The following PTK2 variants were observed in gnomAD, a reference collection of about 807,000 sequenced individuals.
The protein encoded by PTK2 is protein tyrosine kinase 2.
In PTK2, 45 loss-of-function variants were observed where a neutral mutation model predicts 150.1. That is an observed-to-expected ratio of 0.30 (90% CI 0.24 to 0.38). The LOEUF (loss-of-function observed/expected upper bound fraction) is 0.38. Among genes scored for constraint, PTK2 ranks in the 10% least tolerant of loss-of-function variants. The probability of loss-of-function intolerance (pLI) is 1.00; values close to 1 mark genes in which losing one functional copy is unlikely to be tolerated. For synonymous variants in PTK2, 432 were observed against 449.2 expected, an observed-to-expected ratio of 0.96 and a Z score of 0.48; for missense variants, 919 against 1,307.3, an observed-to-expected ratio of 0.70 and a Z score of 4.58.
At chr8:140,986,734 T>C (rs2100193378) in intron 1 of PTK2, among the ~76,000 whole-genome samples, 1 of 152,048 alleles carries the variant, frequency 6.6e-6, no homozygotes, top group African/African-American at 2.4e-5. Flanking sequence ...GTCCAAACAA[T>C]CTCAAGCCTT....
intron 1 of PTK2, among the ~76,000 whole-genome samples, chr8:140,964,340 C>T (rs375440577): frequency 6.6e-6 from 1 of 152,082 alleles, no homozygotes; most frequent in East Asian, 1.9e-4. Flanking sequence ...AATCCTCCCA[C>T]CTGAGCCTCC....
chr8:140,792,799 T>C (rs961538067), intron 13 of PTK2, among the ~76,000 whole-genome samples: 63 of 152,364 alleles, frequency 4.1e-4, no homozygotes, highest in Middle Eastern at 3.4e-3. Context: ...TGAAAGCACT[T>C]ACCACACAGC....
At chr8:140,793,515 C>G in intron 12 of PTK2, 131 bp from the exon 13 acceptor site, 1 of 854,216 alleles carries the variant, frequency 1.2e-6, no homozygotes, top group Non-Finnish European at 1.8e-6. Context: ...AAAGTTGCTA[C>G]ACTGTCTACC....
chr8:140,738,964 T>G (rs1324058123), intron 21 of PTK2, 54 bp downstream of exon 24: 6 of 1,176,946 alleles, frequency 5.1e-6, no homozygotes, highest in African/African-American at 1.6e-5. Flanking sequence ...TTTTTTTTTG[T>G]ATAACATATG....
chr8:140,817,642 A>C (rs958627817), intron 10 of PTK2, among the ~76,000 whole-genome samples: 1 of 152,194 alleles, frequency 6.6e-6, no homozygotes, highest in African/African-American at 2.4e-5. Flanking sequence ...CTCAACTATA[A>C]GCTACATAAA....
At chr8:140,747,459 G>GGAGGAGGAGGAA (rs1398398398) in intron 17 of PTK2, among the ~76,000 whole-genome samples, 1 of 38,774 alleles carries the variant, frequency 2.6e-5, no homozygotes, top group African/African-American at 1.4e-4. Context: ...GGGAAGAGGA[G>GGAGGAGGAGGAA]GAGGAGGAGG....
chr8:140,726,098 C>T (rs184708293), intron 22 of PTK2, among the ~76,000 whole-genome samples: 1 of 152,026 alleles, frequency 6.6e-6, no homozygotes, highest in Non-Finnish European at 1.5e-5. Flanking sequence ...AATAAAATCT[C>T]CATTGGATGA....
At chr8:140,816,729 T>C (rs1403858370) in intron 10 of PTK2, among the ~76,000 whole-genome samples, 1 of 152,182 alleles carries the variant, frequency 6.6e-6, no homozygotes, top group Non-Finnish European at 1.5e-5. Flanking sequence ...TTGCTTTACA[T>C]CTAAGTGAGC....
chr8:140,659,477 T>A lies in PTK2; in HGVS notation c.3148A>T (p.Arg1050Ter). The A allele has an allele frequency of 6.2e-7, 1 of 1,612,354 alleles. No homozygotes were observed. Among genetic ancestry groups the A allele is most frequent in the Non-Finnish European group, 8.5e-7 (1 of 1,179,860 alleles). Residue 1050 changes from arginine (R) to a stop codon, truncating the protein, a stop_gained, in exon 32 of 32, where the codon AGA becomes TGA. Coordinates refer to ENST00000522684, the Ensembl canonical transcript of PTK2. LOFTEE classifies it high-confidence loss of function. ...CTCCTAGGGGAGGCTCAGTGTGGTC[T>A]CGTCTGCCCAAGCATTTTCAGTCTT...
In PTK2 at chr8:140,949,382, T is replaced by C. The variant is rs1245564841; in HGVS notation, c.-121-23633A>G. ...ACAGGTGGAAATCCCAACCCCCTAC[T>C]GAGTTGGCGGGGCAGGAGCCCCACA... On this transcript the variant is annotated intron_variant, in intron 1 of 31. Transcript: ENST00000522684. 1.8e-4 allele frequency among the ~76,000 whole-genome samples: 28 copies of C among 152,328 alleles called. 1 individual carries two copies. The East Asian group carries it at 5.0e-3, about 27-fold the overall frequency.
intron 10 of PTK2, among the ~76,000 whole-genome samples, chr8:140,816,140 A>G (rs2154601501): frequency 6.6e-6 from 1 of 152,316 alleles, no homozygotes; most frequent in South Asian, 2.1e-4. Context: ...AAGGTTGCAG[A>G]CTGTATGTTA....
intron 11 of PTK2, among the ~76,000 whole-genome samples, chr8:140,802,860 T>C (rs2100095916): frequency 6.6e-6 from 1 of 152,106 alleles, no homozygotes. Context: ...ACAACCATCT[T>C]AGGTTTGTGT....
At chr8:140,827,775 T>C (rs2100112718) in intron 8 of PTK2, among the ~76,000 whole-genome samples, 1 of 152,172 alleles carries the variant, frequency 6.6e-6, no homozygotes, top group Non-Finnish European at 1.5e-5. Flanking sequence ...ACAAAGGGTG[T>C]AGAGTGGAGA....
At chr8:140,796,129 C>T (rs2100091444) in intron 12 of PTK2, among the ~76,000 whole-genome samples, 1 of 152,152 alleles carries the variant, frequency 6.6e-6, no homozygotes. Flanking sequence ...GACTGTCCGA[C>T]CACTGTTTGG....
intron 31 of PTK2, among the ~76,000 whole-genome samples, chr8:140,660,849 G>C (rs2078736555): frequency 6.6e-6 from 1 of 152,220 alleles, no homozygotes; most frequent in Non-Finnish European, 1.5e-5. Context: ...CTTCTTATCT[G>C]TTTCTTCAAC....
At chr8:140,701,952 CTCTG>C (rs1475241492) in intron 25 of PTK2, among the ~76,000 whole-genome samples, 1 of 151,556 alleles carries the variant, frequency 6.6e-6, no homozygotes, top group African/African-American at 2.4e-5. Context: ...CATGGTGAAA[CTCTG>C]TCTCTACTAA....
intron 1 of PTK2, among the ~76,000 whole-genome samples, chr8:140,972,606 T>G (rs1290162542): frequency 6.6e-6 from 1 of 152,202 alleles, no homozygotes; most frequent in East Asian, 1.9e-4. Flanking sequence ...CGATGAAAAT[T>G]TGTGGAAATT....
intron 14 of PTK2, among the ~76,000 whole-genome samples, chr8:140,772,430 G>C (rs1172681189): frequency 6.6e-6 from 1 of 152,202 alleles, no homozygotes; most frequent in Non-Finnish European, 1.5e-5. Context: ...GTCTCGCCAA[G>C]ATGGGCCTGA....
chr8:140,747,399 G>C (rs1383341888), intron 17 of PTK2: 3 of 122,930 alleles, frequency 2.4e-5, no homozygotes, highest in African/African-American at 9.8e-5. Context: ...ATGTGGCAGG[G>C]GGGAAGAGGA....
Sources: allele counts gnomAD v4.1 joint callset (sites outside exome capture counted in the v4.1 genomes callset), GRCh38; gene constraint gnomAD v4.1.1; transcripts MANE v1.5; gene names NCBI Gene and HGNC (gene_info 2026-07-23, HGNC 2026-07-21).